Variants in SGMS1 observed in about 807,000 individuals in gnomAD.
SGMS1 encodes the protein phosphatidylcholine:ceramide cholinephosphotransferase 1.
Under a neutral mutation model 46.2 loss-of-function variants are expected in SGMS1, and 13 were observed. The ratio of observed to expected loss-of-function variants is 0.28; its 90% CI spans 0.18 to 0.45. The LOEUF is 0.45. Among genes scored for constraint, SGMS1 ranks in the 20% least tolerant of loss-of-function variants. The pLI is 1.00. For synonymous variants in SGMS1, 203 were observed against 187.8 expected, an observed-to-expected ratio of 1.08 and a Z score of -0.66; for missense variants, 324 against 519.9, an observed-to-expected ratio of 0.62 and a Z score of 3.66.
chr10:50,370,792 G>C (rs908732139), intron 6 of SGMS1, among the ~76,000 whole-genome samples: 2 of 150,880 alleles, frequency 1.3e-5, no homozygotes, highest in Non-Finnish European at 2.9e-5. Flanking sequence ...GGCCTGCACA[G>C]GGTCAGGATC....
chr10:50,353,679 T>C (rs1268125953), intron 6 of SGMS1, among the ~76,000 whole-genome samples: 2 of 152,402 alleles, frequency 1.3e-5, no homozygotes, highest in Admixed American at 6.5e-5. Flanking sequence ...TGATTTTATA[T>C]CTAGAAAACC....
rs113692834 is a variant in SGMS1, at chr10:50,375,543, T to C, written c.-231-31198A>G. On this transcript the variant is annotated intron_variant, in intron 6 of 10. Transcript: ENST00000361781. ...CTTGAGAAGGAGGGTTTGGCCACCA[T>C]GGGAGAAATGATCAGGGGACAAGCT... is the stretch of plus-strand genomic sequence containing the variant. Among the ~76,000 whole-genome samples the C allele has an allele frequency of 9.3e-3, 1,409 of 152,272 alleles. 25 individuals carry two copies. Among genetic ancestry groups the C allele is most frequent in the African/African-American group, 0.031 (1,288 of 41,550 alleles).
intron 6 of SGMS1, among the ~76,000 whole-genome samples, chr10:50,373,708 G>GT (rs1162156421): frequency 5.9e-5 from 9 of 152,168 alleles, no homozygotes; most frequent in Admixed American, 3.9e-4. Context: ...CGGCAATTAT[G>GT]TATTAATACC....
intron 3 of SGMS1, among the ~76,000 whole-genome samples, chr10:50,516,145 C>T (rs1837804137): frequency 6.6e-6 from 1 of 152,128 alleles, no homozygotes; most frequent in African/African-American, 2.4e-5. Context: ...TATTCTGCTG[C>T]AGAAGGAATA....
intron 5 of SGMS1, among the ~76,000 whole-genome samples, chr10:50,454,725 C>T (rs902535308): frequency 6.6e-6 from 1 of 152,116 alleles, no homozygotes; most frequent in Non-Finnish European, 1.5e-5. Context: ...TTAGTTTTTA[C>T]CACTGAAATG....
intron 6 of SGMS1, among the ~76,000 whole-genome samples, chr10:50,395,901 C>A (rs1318125540): frequency 6.6e-6 from 1 of 152,112 alleles, no homozygotes; most frequent in African/African-American, 2.4e-5. Flanking sequence ...TTCCTTGACA[C>A]TACATAAAAC....
chr10:50,391,141 C>A (rs535901186), intron 6 of SGMS1, among the ~76,000 whole-genome samples: 27 of 152,292 alleles, frequency 1.8e-4, no homozygotes, highest in Admixed American at 5.2e-4. Context: ...ATATAAAGAA[C>A]AAGGCACATT....
chr10:50,357,065 A>G (rs1298843175), intron 6 of SGMS1, among the ~76,000 whole-genome samples: 2 of 151,848 alleles, frequency 1.3e-5, no homozygotes, highest in African/African-American at 4.9e-5. Context: ...CCTAAAACTT[A>G]AAGTATAATA....
chr10:50,353,533 C>A (rs1375709802), intron 6 of SGMS1, among the ~76,000 whole-genome samples: 4 of 152,398 alleles, frequency 2.6e-5, no homozygotes, highest in African/African-American at 9.6e-5. Flanking sequence ...TGGCACAAGA[C>A]AGGGATGTCC....
chr10:50,624,875 G>A (rs903276415), upstream of SGMS1: 4 of 999,664 alleles, frequency 4.0e-6, no homozygotes, highest in South Asian at 3.7e-5. Flanking sequence ...CGGGGTCGGG[G>A]ACTTGGCGAG....
intron 2 of SGMS1, among the ~76,000 whole-genome samples, chr10:50,528,334 G>A (rs1260530645): frequency 6.6e-6 from 1 of 152,136 alleles, no homozygotes; most frequent in Non-Finnish European, 1.5e-5. Flanking sequence ...GTACAACACA[G>A]ATTTTACTCA....
intron 6 of SGMS1, among the ~76,000 whole-genome samples, chr10:50,403,595 A>G (rs1848970486): frequency 6.6e-6 from 1 of 151,992 alleles, no homozygotes; most frequent in Admixed American, 6.6e-5. Flanking sequence ...AGAAGTGAGC[A>G]TTATCTACAA....
chr10:50,510,116 C>G (rs184104585), intron 3 of SGMS1, among the ~76,000 whole-genome samples: 2 of 152,262 alleles, frequency 1.3e-5, no homozygotes, highest in Admixed American at 1.3e-4. Flanking sequence ...TATACTCTTG[C>G]CTTTTCCAGA....
At chr10:50,558,598 G>A (rs1232914312) in intron 2 of SGMS1, among the ~76,000 whole-genome samples, 1 of 152,142 alleles carries the variant, frequency 6.6e-6, no homozygotes, top group Non-Finnish European at 1.5e-5. Context: ...ATGCTTTCCA[G>A]TAAGTACAGT....
chr10:50,404,802 G>A (rs955156559), intron 6 of SGMS1, among the ~76,000 whole-genome samples: 1 of 151,900 alleles, frequency 6.6e-6, no homozygotes, highest in South Asian at 2.1e-4. Context: ...CCCCCCAATG[G>A]CAACTATTAA....
At chr10:50,580,592 G>A (rs576581069) in intron 2 of SGMS1, among the ~76,000 whole-genome samples, 4 of 152,298 alleles carry the variant, frequency 2.6e-5, no homozygotes, top group South Asian at 4.1e-4. Context: ...TATTAATGAC[G>A]TGAGTGGGCA....
chr10:50,544,532 A>C (rs1838083626), intron 2 of SGMS1, among the ~76,000 whole-genome samples: 1 of 152,230 alleles, frequency 6.6e-6, no homozygotes, highest in African/African-American at 2.4e-5. Flanking sequence ...ATCACATTCT[A>C]CTTTTTCCTT....
At chr10:50,541,096 C>G (rs748090008) in intron 2 of SGMS1, among the ~76,000 whole-genome samples, 16 of 152,164 alleles carry the variant, frequency 1.1e-4, no homozygotes, top group Non-Finnish European at 2.1e-4. Flanking sequence ...CAGGACCAAC[C>G]AGCGTTGGAG....
chr10:50,349,908 T>C (rs1309088914), intron 6 of SGMS1, among the ~76,000 whole-genome samples: 1 of 152,110 alleles, frequency 6.6e-6, no homozygotes, highest in Non-Finnish European at 1.5e-5. Flanking sequence ...TTGGTACCAG[T>C]AGAGTAGGGT....
Sources: gnomAD v4.1 joint callset for allele counts (sites outside exome capture counted in the v4.1 genomes callset) on GRCh38, gnomAD v4.1.1 for gene constraint, MANE v1.5 for transcripts, NCBI Gene and HGNC (gene_info 2026-07-23, HGNC 2026-07-21) for gene names.